HDAC9: variants seen among roughly 807,000 people sequenced by gnomAD.
HDAC9 encodes MEF-2 interacting transcription repressor (MITR) protein.
HDAC9 carries 41 observed loss-of-function variants against 139.4 expected under a neutral mutation model. The ratio of observed to expected loss-of-function variants is 0.29; its 90% CI spans 0.23 to 0.38. The LOEUF is 0.38. Among genes scored for constraint, HDAC9 ranks in the 10% least tolerant of loss-of-function variants. The pLI is 1.00. For missense variants in HDAC9, 1,147 were observed against 1,297.0 expected (o/e 0.88, Z 1.78); for synonymous variants, 517 against 476.2 (o/e 1.09, Z -1.12).
rs1796200332 is a variant in HDAC9, at chr7:18,269,308, A to G, written c.25+106959A>G. ...GTGATTTGTATCACTTGGCTACTCT[A>G]GGGCTTTGGAAAAAATGAGAAGTGG... On this transcript the variant is annotated intron_variant, in intron 2 of 12. Coordinates refer to the HDAC9 transcript ENST00000417496. Among the ~76,000 whole-genome samples the G allele has an allele frequency of 2.0e-5, 3 of 152,168 alleles. No individual in the cohort carries two copies. The South Asian group carries it at 6.2e-4, about 31-fold the overall frequency.
intron 1 of HDAC9, among the ~76,000 whole-genome samples, chr7:18,461,603 A>G (rs894566484): frequency 1.3e-5 from 2 of 152,160 alleles, no homozygotes; most frequent in African/African-American, 4.8e-5. Context: ...TAGTACTAGG[A>G]AAAGCAACTG....
intron 2 of HDAC9, among the ~76,000 whole-genome samples, chr7:18,268,130 A>C (rs1796114110): frequency 6.6e-6 from 1 of 152,174 alleles, no homozygotes; most frequent in African/African-American, 2.4e-5. Flanking sequence ...AATTGATCTA[A>C]TGAAACACTA....
At chr7:18,795,258 A>G (rs868103673) in intron 17 of HDAC9, among the ~76,000 whole-genome samples, 80 of 1,784 alleles carry the variant, frequency 0.045, 1 homozygote, top group African/African-American at 0.066. Context: ...AGAAAACAGT[A>G]AAAAAAAAAA....
At chr7:18,460,768 A>G (rs1015903187) in intron 1 of HDAC9, among the ~76,000 whole-genome samples, 3 of 150,062 alleles carry the variant, frequency 2.0e-5, no homozygotes, top group African/African-American at 7.4e-5. Context: ...AGCCTGGACA[A>G]CAAGAGCAAA....
rs895887299 is a variant in HDAC9, at chr7:18,662,945, T to A, written c.1468-3268T>A. ...GCAGAGATTTAGTATTGACCAAGGT[T>A]AGAAGTCTTATTTGTCCAGTAAAAC... On this transcript the variant is annotated intron_variant, in intron 11 of 25. Transcript: ENST00000686413. 2.6e-5 allele frequency among the ~76,000 whole-genome samples: 4 copies of A among 152,026 alleles called. No individual in the cohort carries two copies. In the South Asian group the frequency reaches 8.3e-4, roughly 32 times the overall value.
At chr7:18,795,257 TAAAAAAAAAAAAAAA>T (rs5882676) in intron 17 of HDAC9, among the ~76,000 whole-genome samples, 1 of 65,484 alleles carries the variant, frequency 1.5e-5, no homozygotes, top group South Asian at 6.2e-4. Context: ...AAGAAAACAG[TAAAAAAAAAAAAAAA>T]AAAAAAAAAA....
intron 1 of HDAC9, among the ~76,000 whole-genome samples, chr7:18,439,252 C>T (rs1051192700): frequency 5.3e-5 from 8 of 152,150 alleles, no homozygotes; most frequent in African/African-American, 1.9e-4. Context: ...CAAAGTGTTT[C>T]CCTATTCTGC....
intron 2 of HDAC9, among the ~76,000 whole-genome samples, chr7:18,269,945 G>T (rs75082115): frequency 0.023 from 3,446 of 152,044 alleles, 67 homozygotes; most frequent in Middle Eastern, 0.037. Context: ...CACACAAAAG[G>T]GCTAGACAGG....
chr7:18,503,430 T>C (rs905231447), intron 2 of HDAC9, among the ~76,000 whole-genome samples: 1 of 152,244 alleles, frequency 6.6e-6, no homozygotes, highest in Admixed American at 6.5e-5. Flanking sequence ...CGACCTACAC[T>C]TTCAAGTGTT....
chr7:18,279,559 G>T (rs1213798275), intron 2 of HDAC9, among the ~76,000 whole-genome samples: 1 of 151,722 alleles, frequency 6.6e-6, no homozygotes, highest in Non-Finnish European at 1.5e-5. Flanking sequence ...TCTGCCTCCC[G>T]GGTTCAAGCG....
chr7:18,504,516 GCTGGTCTCGAACTC>G (rs1799227310), intron 2 of HDAC9, among the ~76,000 whole-genome samples: 1 of 152,204 alleles, frequency 6.6e-6, no homozygotes, highest in Non-Finnish European at 1.5e-5. Flanking sequence ...TATTGGCCAG[GCTGGTCTCGAACTC>G]CTGACCTCAA....
At chr7:18,812,839 T>C (rs1047036249) in intron 17 of HDAC9, among the ~76,000 whole-genome samples, 1 of 152,150 alleles carries the variant, frequency 6.6e-6, no homozygotes, top group Middle Eastern at 3.4e-3. Flanking sequence ...TTCATTTTCT[T>C]GAGTCTCATT....
intron 2 of HDAC9, among the ~76,000 whole-genome samples, chr7:18,268,107 A>G (rs1233157890): frequency 2.0e-5 from 3 of 152,184 alleles, no homozygotes; most frequent in Non-Finnish European, 4.4e-5. Flanking sequence ...TTTTCATTAC[A>G]GCTCACTTAT....
At chr7:18,955,750 G>C (rs1783103113) in intron 24 of HDAC9, among the ~76,000 whole-genome samples, 1 of 152,096 alleles carries the variant, frequency 6.6e-6, no homozygotes, top group Non-Finnish European at 1.5e-5. Context: ...TGTTTCTTCA[G>C]TCCCTTTCAA....
chr7:18,928,785 G>A (rs2129302921), intron 22 of HDAC9, among the ~76,000 whole-genome samples: 1 of 151,820 alleles, frequency 6.6e-6, no homozygotes, highest in South Asian at 2.1e-4. Context: ...ATGGAACTAT[G>A]TATTTATTAT....
At chr7:18,714,970 C>T (rs1784596340) in intron 12 of HDAC9, among the ~76,000 whole-genome samples, 1 of 152,144 alleles carries the variant, frequency 6.6e-6, no homozygotes. Context: ...TTTAAATTAT[C>T]AATGCCTTTT....
At chr7:18,745,910 C>T (rs1284414029) in intron 13 of HDAC9, among the ~76,000 whole-genome samples, 2 of 134,802 alleles carry the variant, frequency 1.5e-5, no homozygotes, top group Non-Finnish European at 3.1e-5. Context: ...TTTTTTTGCC[C>T]ATGCAAGTTC....
intron 2 of HDAC9, among the ~76,000 whole-genome samples, chr7:18,232,625 A>G (rs904454736): frequency 6.6e-6 from 1 of 152,184 alleles, no homozygotes; most frequent in Admixed American, 6.5e-5. Context: ...TTGTATCTCT[A>G]TTGCTCATGA....
chr7:18,547,859 C>CCTTCCTT (rs1563230176), intron 2 of HDAC9, among the ~76,000 whole-genome samples: 1 of 119,710 alleles, frequency 8.4e-6, no homozygotes. Flanking sequence ...TTCCTTCCTA[C>CCTTCCTT]CCTCCCTCCC....
Sources: allele counts gnomAD v4.1 joint callset (sites outside exome capture counted in the v4.1 genomes callset), GRCh38; gene constraint gnomAD v4.1.1; transcripts MANE v1.5; gene names NCBI Gene and HGNC (gene_info 2026-07-23, HGNC 2026-07-21).